The following ECM2 variants were observed in gnomAD, a reference collection of about 807,000 sequenced individuals.
ECM2 encodes extracellular matrix protein 2, female organ and adipocyte specific.
In ECM2, 57 loss-of-function variants were observed where a neutral mutation model predicts 67.5. The observed-to-expected ratio is 0.84, with a 90% confidence interval of 0.68 to 1.05. ECM2 has a LOEUF of 1.05. Among genes scored for constraint, ECM2 ranks in the 50% least tolerant of loss-of-function variants. The pLI is 0.00. For missense variants in ECM2, 741 were observed against 822.8 expected (o/e 0.90, Z 1.22); for synonymous variants, 258 against 294.5 (o/e 0.88, Z 1.27).
At chr9:92,536,062 T>A (rs1232219160), upstream of ECM2, 1 of 495,308 alleles carries the variant, frequency 2.0e-6, no homozygotes, top group Non-Finnish European at 4.0e-6. Flanking sequence ...TTTGCTGAAC[T>A]TCTTAGTAAA....
the ECM2 span, among the ~76,000 whole-genome samples, chr9:92,550,267 G>A: frequency 1.3e-5 from 2 of 152,020 alleles, no homozygotes; most frequent in African/African-American, 4.8e-5. Flanking sequence ...GTGGTGGTGC[G>A]TGCCTGTAGT....
At chr9:92,522,292 T>C (rs1848120496) in intron 2 of ECM2, among the ~76,000 whole-genome samples, 1 of 152,146 alleles carries the variant, frequency 6.6e-6, no homozygotes, top group Non-Finnish European at 1.5e-5. Flanking sequence ...TTCAACATGT[T>C]GGCCAGGCTG....
chr9:92,540,425 G>A (rs1388572843), upstream of ECM2, among the ~76,000 whole-genome samples: 6 of 135,104 alleles, frequency 4.4e-5, no homozygotes, highest in African/African-American at 9.2e-5. Context: ...ACGACAGAGC[G>A]AGACTGTCTC....
chr9:92,547,653 AG>A, the ECM2 span, among the ~76,000 whole-genome samples: 354 of 152,362 alleles, frequency 2.3e-3, no homozygotes, highest in African/African-American at 8.3e-3. Flanking sequence ...CCTGAAATGA[AG>A]GGGGTAAGAA....
intron 1 of ECM2, among the ~76,000 whole-genome samples, chr9:92,527,684 A>G (rs139892297): frequency 4.0e-4 from 61 of 152,204 alleles, no homozygotes; most frequent in African/African-American, 1.1e-3. Context: ...CACAGTGTCT[A>G]CCACCCAAAT....
At chr9:92,517,329 A>C in intron 3 of ECM2, 1 of 371,024 alleles carries the variant, frequency 2.7e-6, no homozygotes. Flanking sequence ...GTTGCACTGG[A>C]TTAAGTGGGA....
At chr9:92,550,241 A>G in the ECM2 span, among the ~76,000 whole-genome samples, 2 of 152,048 alleles carry the variant, frequency 1.3e-5, no homozygotes, top group African/African-American at 2.4e-5. Flanking sequence ...ACTAAAATAC[A>G]CAAAATTAGC....
chr9:92,505,614 T>C lies in ECM2; in HGVS notation c.1383A>G (p.Lys461=). The C allele has an allele frequency of 1.2e-6, 2 of 1,611,310 alleles. No individual in the cohort carries two copies. Among genetic ancestry groups the C allele is most frequent in the South Asian group, 2.2e-5 (2 of 90,034 alleles). The change falls in exon 7 of 10, where the codon AAA becomes AAG. Residue 461 remains lysine (K), a synonymous_variant. Coordinates refer to ENST00000344604, the MANE Select transcript of ECM2 (RefSeq NM_001393.4). Reference sequence around the variant, plus strand: ...GCAAGTAGGCTAGGCTCTTCAAAGGTTTGAAAGCTAAAGGATTGACATTGG... The same window carrying C: ...GCAAGTAGGCTAGGCTCTTCAAAGGCTTGAAAGCTAAAGGATTGACATTGG... ...SEANVNPLAF[K]PLKSLAYLRL... is the part of the protein sequence containing the mutation.
intron 2 of ECM2, among the ~76,000 whole-genome samples, chr9:92,522,361 C>G (rs1848125748): frequency 6.6e-6 from 1 of 152,192 alleles, no homozygotes; most frequent in South Asian, 2.1e-4. Flanking sequence ...GCTGGGATTA[C>G]AGGTGTGAGC....
intron 4 of ECM2, among the ~76,000 whole-genome samples, chr9:92,513,466 A>T (rs1847486359): frequency 6.6e-6 from 1 of 152,166 alleles, no homozygotes; most frequent in Admixed American, 6.5e-5. Context: ...AGAGAAATGA[A>T]CACTTAGGTC....
At chr9:92,539,479 G>A (rs990921835), upstream of ECM2, among the ~76,000 whole-genome samples, 1 of 151,916 alleles carries the variant, frequency 6.6e-6, no homozygotes, top group Admixed American at 6.6e-5. Flanking sequence ...CTTAATTAAA[G>A]TGATTGATTT....
chr9:92,546,410 G>A, the ECM2 span, among the ~76,000 whole-genome samples: 6,064 of 152,220 alleles, frequency 0.04, 184 homozygotes, highest in South Asian at 0.099. Context: ...TTGGGTCCAC[G>A]CTGACTTTAT....
chr9:92,545,611 C>A, the ECM2 span, among the ~76,000 whole-genome samples: 1 of 152,224 alleles, frequency 6.6e-6, no homozygotes, highest in Admixed American at 6.5e-5. Flanking sequence ...CCACTGACCG[C>A]CCAAGGGCTG....
chr9:92,498,234 CT>C (rs1846469699), intron 9 of ECM2, among the ~76,000 whole-genome samples: 1 of 151,800 alleles, frequency 6.6e-6, no homozygotes, highest in African/African-American at 2.4e-5. Flanking sequence ...AAAATAAATA[CT>C]GGAAGGATAA....
chr9:92,522,446 A>C, intron 2 of ECM2, 129 bp downstream of exon 2: 3 of 1,064,956 alleles, frequency 2.8e-6, no homozygotes, highest in Non-Finnish European at 3.9e-6. Context: ...TAATATAATA[A>C]CCTGGATTTT....
chr9:92,534,360 C>T (rs902084990), intron 1 of ECM2, among the ~76,000 whole-genome samples: 3 of 152,196 alleles, frequency 2.0e-5, no homozygotes, highest in Admixed American at 2.0e-4. Flanking sequence ...GAATCATCTT[C>T]CTCTAGTCAG....
chr9:92,537,490 T>C (rs191488021), upstream of ECM2, among the ~76,000 whole-genome samples: 27 of 152,120 alleles, frequency 1.8e-4, no homozygotes, highest in African/African-American at 4.8e-5. Flanking sequence ...TGAAACCCCG[T>C]CTCTACTAAC....
chr9:92,531,989 CTTTTCT>C (rs1225440625), intron 1 of ECM2, among the ~76,000 whole-genome samples: 2 of 116,000 alleles, frequency 1.7e-5, no homozygotes, highest in East Asian at 4.2e-4. Flanking sequence ...TTCCCACCTA[CTTTTCT>C]TTTTCTTTTT....
chr9:92,524,447 A>G (rs886810853), intron 1 of ECM2, among the ~76,000 whole-genome samples: 1 of 152,188 alleles, frequency 6.6e-6, no homozygotes, highest in Non-Finnish European at 1.5e-5. Flanking sequence ...AACCTCCATC[A>G]AGGTGTTGCA....
Sources: allele counts gnomAD v4.1 joint callset (sites outside exome capture counted in the v4.1 genomes callset), GRCh38; gene constraint gnomAD v4.1.1; transcripts MANE v1.5; gene names NCBI Gene and HGNC (gene_info 2026-07-23, HGNC 2026-07-21).